The following ZNF114 variants were observed in gnomAD, a reference collection of about 807,000 sequenced individuals.
ZNF114 encodes zinc finger protein 114.
ZNF114 carries 8 observed loss-of-function variants against 6.8 expected under a neutral mutation model. The ratio of observed to expected loss-of-function variants is 1.18; its 90% confidence interval spans 0.69 to 2.13. The LOEUF is 2.13. ZNF114 is among the 30% of genes most tolerant of loss of function. The pLI is 0.00. For synonymous variants in ZNF114, 169 were observed against 185.5 expected, an observed-to-expected ratio of 0.91 and a Z score of 0.72; for missense variants, 472 against 519.5, an observed-to-expected ratio of 0.91 and a Z score of 0.89.
At chr19:48,271,484 T>C (rs1967654451) in intron 2 of ZNF114, 35 bp downstream of exon 2, 1 of 86,374 alleles carries the variant, frequency 1.2e-5, no homozygotes, top group Non-Finnish European at 2.1e-5. Flanking sequence ...CTACTGGTCG[T>C]GGGGGTCAGA....
At chr19:48,276,190 CT>C (rs1277787679) in intron 3 of ZNF114, among the ~76,000 whole-genome samples, 2 of 149,974 alleles carry the variant, frequency 1.3e-5, no homozygotes, top group Admixed American at 1.3e-4. Flanking sequence ...AGTGATTCTC[CT>C]GCTTCAGCCT....
At chr19:48,276,358 C>A (rs1045072660) in intron 3 of ZNF114, among the ~76,000 whole-genome samples, 1 of 151,760 alleles carries the variant, frequency 6.6e-6, no homozygotes, top group Non-Finnish European at 1.5e-5. Flanking sequence ...GGATTACAGC[C>A]TTAGGCCACT....
intron 3 of ZNF114, among the ~76,000 whole-genome samples, chr19:48,273,443 A>T (rs1186582620): frequency 4.1e-4 from 30 of 72,600 alleles, no homozygotes; most frequent in African/African-American, 9.5e-4. Flanking sequence ...TTTTTTTTTT[A>T]AACTACTGTC....
chr19:48,274,502 ATATATTTTT>A (rs962050691), intron 3 of ZNF114, among the ~76,000 whole-genome samples: 6 of 17,820 alleles, frequency 3.4e-4, no homozygotes, highest in African/African-American at 5.3e-4. Flanking sequence ...ATATATATAT[ATATATTTTT>A]TTTTTTTTTT....
chr19:48,285,524 CGAGA>C (rs35022147), intron 5 of ZNF114, among the ~76,000 whole-genome samples: 2 of 118,194 alleles, frequency 1.7e-5, no homozygotes, highest in Non-Finnish European at 3.4e-5. Context: ...ACAGAGAGAA[CGAGA>C]GAGAGAGAGA....
intron 4 of ZNF114, 99 bp from the exon 5 acceptor site, chr19:48,282,272 G>A: frequency 6.6e-7 from 1 of 1,522,102 alleles, no homozygotes; most frequent in Middle Eastern, 1.7e-4. Flanking sequence ...AGGTACCAAG[G>A]GTTAAGACCT....
rs1211051587 is a variant in ZNF114, at chr19:48,287,489, T to TC, written c.*613dup. The TC allele has an allele frequency of 6.9e-6, 1 of 145,000 alleles. No homozygotes were observed. Among genetic ancestry groups the TC allele is most frequent in the Non-Finnish European group, 1.5e-5 (1 of 66,496 alleles). 9.0% of individuals were successfully genotyped at this position (145,000 alleles called of 1,614,324 possible). A position where few individuals can be genotyped will look rare whatever the true frequency, so the allele number is the denominator to read the frequency against. On this transcript the variant is annotated 3_prime_UTR_variant, in exon 6 of 6. Coordinates refer to ENST00000595607, the MANE Select transcript of ZNF114 (RefSeq NM_153608.4). ...TCCAGCCTGGGGGAAAGAGCGAGAC[T>TC]CCGTCTCAAAAAAAAAAAAAAGTAG...
chr19:48,280,899 C>A (rs979662287), intron 4 of ZNF114, among the ~76,000 whole-genome samples: 1 of 152,106 alleles, frequency 6.6e-6, no homozygotes, highest in Non-Finnish European at 1.5e-5. Flanking sequence ...GTTATAACAG[C>A]CTGAACAGGC....
chr19:48,271,921 C>T (rs1051287898), intron 3 of ZNF114, 93 bp downstream of exon 3: 2 of 152,360 alleles, frequency 1.3e-5, no homozygotes, highest in East Asian at 3.9e-4. Context: ...ATTGTCTCTA[C>T]CCTTCCGGGA....
chr19:48,275,191 A>G (rs1967792143), intron 3 of ZNF114, among the ~76,000 whole-genome samples: 1 of 146,454 alleles, frequency 6.8e-6, no homozygotes, highest in Non-Finnish European at 1.5e-5. Flanking sequence ...AAAGAGAGAG[A>G]GAAAAAGAGA....
intron 3 of ZNF114, among the ~76,000 whole-genome samples, chr19:48,276,154 A>G (rs951997873): frequency 2.3e-5 from 3 of 132,226 alleles, no homozygotes; most frequent in African/African-American, 8.7e-5. Context: ...ATCTCGGCTC[A>G]CCGCAACCTC....
intron 4 of ZNF114, 56 bp from the exon 5 acceptor site, chr19:48,282,315 C>T: frequency 1.2e-6 from 2 of 1,605,302 alleles, no homozygotes; most frequent in Non-Finnish European, 1.7e-6. Context: ...AAAGGGGTCA[C>T]AGTTCAAACT....
In ZNF114 at chr19:48,282,459, A is replaced by G. The variant is rs1968017197; in HGVS notation, c.98A>G (p.Asp33Gly). 6.2e-7 allele frequency: 1 copy of G among 1,610,844 alleles called. No homozygotes were observed. Among genetic ancestry groups the G allele is most frequent in the African/African-American group, 1.3e-5 (1 of 74,732 alleles). Reference sequence around the variant, plus strand: ...CCAGCTCAGAGGAATCTCTACAGAGACGTGATGCTGGAAAATTCTAGGAAC... The same window carrying G: ...CCAGCTCAGAGGAATCTCTACAGAGGCGTGATGCTGGAAAATTCTAGGAAC... The part of the protein sequence containing the change: ...LDPAQRNLYR[D>G]VMLENSRNLA... The change falls in exon 5 of 6, where the codon GAC (aspartate) becomes GGC (glycine). Residue 33 changes from aspartate (D) to glycine (G), a missense_variant. Asp to Gly is a moderately conservative substitution (Grantham distance 94). Coordinates refer to ENST00000595607, the MANE Select transcript of ZNF114 (RefSeq NM_153608.4).
intron 3 of ZNF114, among the ~76,000 whole-genome samples, chr19:48,272,615 A>C (rs1483855612): frequency 1.6e-5 from 2 of 125,444 alleles, no homozygotes; most frequent in African/African-American, 6.3e-5. Flanking sequence ...TGAAGGTTGC[A>C]GTGAGCCGAG....
At chr19:48,277,804 T>G (rs866130694) in intron 3 of ZNF114, among the ~76,000 whole-genome samples, 60 of 147,988 alleles carry the variant, frequency 4.1e-4, no homozygotes, top group African/African-American at 1.4e-3. Flanking sequence ...GGTGTGTGTG[T>G]GTGTGTGTGT....
At chr19:48,275,419 A>AAC (rs58275965) in intron 3 of ZNF114, among the ~76,000 whole-genome samples, 7,868 of 133,094 alleles carry the variant, frequency 0.059, 265 homozygotes, top group Middle Eastern at 0.11. Flanking sequence ...TCTCTACTAA[A>AAC]ACACACACAC....
At chr19:48,282,644 C>T (rs1968021529) in intron 5 of ZNF114, 147 bp downstream of exon 5, 1 of 717,052 alleles carries the variant, frequency 1.4e-6, no homozygotes, top group African/African-American at 1.8e-5. Context: ...GTAGGGTTCA[C>T]CATGAAACTG....
In ZNF114 at chr19:48,287,494, C is replaced by G. The variant is rs997444314; in HGVS notation, c.*616C>G. On this transcript the variant is annotated 3_prime_UTR_variant, in exon 6 of 6. Coordinates refer to ENST00000595607, the MANE Select transcript of ZNF114 (RefSeq NM_153608.4). ...CCTGGGGGAAAGAGCGAGACTCCGTCTCAAAAAAAAAAAAAAGTAGGAAAG... is the reference window on the plus strand; with the variant it reads ...CCTGGGGGAAAGAGCGAGACTCCGTGTCAAAAAAAAAAAAAAGTAGGAAAG... The G allele has an allele frequency of 4.7e-5, 7 of 147,774 alleles. No individual in the cohort carries two copies. Among genetic ancestry groups the G allele is most frequent in the African/African-American group, 1.8e-4 (7 of 39,900 alleles). The allele number at this position is 147,774 out of a possible 1,614,324, so 9.2% of individuals were successfully genotyped here. A position where few individuals can be genotyped will look rare whatever the true frequency, so the allele number is the denominator to read the frequency against.
At chr19:48,280,701 T>TGCCA (rs1165598261) in intron 4 of ZNF114, among the ~76,000 whole-genome samples, 1 of 151,906 alleles carries the variant, frequency 6.6e-6, no homozygotes, top group Non-Finnish European at 1.5e-5. Context: ...TACAGGCACC[T>TGCCA]GCCAGCACGC....
Sources: allele counts gnomAD v4.1 joint callset (sites outside exome capture counted in the v4.1 genomes callset), GRCh38; gene constraint gnomAD v4.1.1; transcripts MANE v1.5; gene names NCBI Gene and HGNC (gene_info 2026-07-23, HGNC 2026-07-21).